Variants in GRM8 observed in about 807,000 individuals in gnomAD.
GRM8 encodes glutamate metabotropic receptor 8, also known as metabotropic glutamate receptor 8.
Under a neutral mutation model 87.2 loss-of-function variants are expected in GRM8, and 47 were observed. The ratio of observed to expected loss-of-function variants is 0.54; its 90% CI spans 0.43 to 0.69. The LOEUF is 0.69. Among genes scored for constraint, GRM8 ranks in the 30% least tolerant of loss-of-function variants. The pLI is 0.00. For missense variants in GRM8, 1,019 were observed against 1,139.2 expected (o/e 0.89, Z 1.52); for synonymous variants, 396 against 404.5 (o/e 0.98, Z 0.25).
chr7:126,762,193 C>T (rs2151578772), intron 7 of GRM8, among the ~76,000 whole-genome samples: 1 of 151,660 alleles, frequency 6.6e-6, no homozygotes, highest in South Asian at 2.1e-4. Context: ...GAAAGATAAA[C>T]ATGAACATAA....
chr7:126,699,565 C>CT (rs1385083200), intron 7 of GRM8, among the ~76,000 whole-genome samples: 1 of 152,052 alleles, frequency 6.6e-6, no homozygotes, highest in African/African-American at 2.4e-5. Context: ...TTTTTATCAC[C>CT]TTCCTCTTCT....
intron 8 of GRM8, among the ~76,000 whole-genome samples, chr7:126,538,638 TAATA>T (rs1816144968): frequency 6.6e-6 from 1 of 152,078 alleles, no homozygotes; most frequent in African/African-American, 2.4e-5. Flanking sequence ...TATTATTAAT[TAATA>T]ATTATTTTGT....
intron 7 of GRM8, among the ~76,000 whole-genome samples, chr7:126,653,003 A>G (rs1430165050): frequency 6.6e-6 from 1 of 152,046 alleles, no homozygotes; most frequent in South Asian, 2.1e-4. Context: ...TAAAATAGGG[A>G]TCTCCCTATT....
At chr7:126,722,734 CAAT>C (rs1382145632) in intron 7 of GRM8, among the ~76,000 whole-genome samples, 4 of 151,712 alleles carry the variant, frequency 2.6e-5, no homozygotes, top group South Asian at 2.1e-4. Context: ...TTACGTATCA[CAAT>C]AATAATTGTG....
chr7:126,782,448 G>A (rs1820183471), intron 6 of GRM8, among the ~76,000 whole-genome samples: 1 of 152,052 alleles, frequency 6.6e-6, no homozygotes, highest in Non-Finnish European at 1.5e-5. Context: ...AAGTTCTATT[G>A]AGGATAACTA....
At chr7:127,133,503 G>C (rs926946307) in intron 2 of GRM8, among the ~76,000 whole-genome samples, 1 of 151,408 alleles carries the variant, frequency 6.6e-6, no homozygotes, top group Non-Finnish European at 1.5e-5. Flanking sequence ...CGAGGAGATC[G>C]AGACCATCCT....
chr7:126,599,215 A>G (rs567523245), intron 8 of GRM8, among the ~76,000 whole-genome samples: 1 of 152,248 alleles, frequency 6.6e-6, no homozygotes, highest in South Asian at 2.1e-4. Flanking sequence ...TGGGTCACAT[A>G]CATGCACTCC....
At chr7:126,758,077 A>G (rs1021978514) in intron 7 of GRM8, among the ~76,000 whole-genome samples, 4 of 152,178 alleles carry the variant, frequency 2.6e-5, no homozygotes, top group South Asian at 2.1e-4. Context: ...TACTGATTAC[A>G]GGAGATTTAT....
rs368639893 is a variant in GRM8, at chr7:126,642,278, G to C, written c.1358-32780C>G. ...GCTCATCCCTGTGTCACTTTCACTG[G>C]AAGCACCACACATCATTAGACTTTA... is the stretch of plus-strand genomic sequence containing the variant. On this transcript the variant is annotated intron_variant, in intron 7 of 10. Transcript: ENST00000339582. 7.2e-5 allele frequency among the ~76,000 whole-genome samples: 11 copies of C among 152,230 alleles called. No homozygotes were observed. The East Asian group carries it at 1.7e-3, about 24-fold the overall frequency.
At chr7:126,692,899 T>C (rs996173972) in intron 7 of GRM8, among the ~76,000 whole-genome samples, 1 of 152,172 alleles carries the variant, frequency 6.6e-6, no homozygotes, top group African/African-American at 2.4e-5. Context: ...GATCAGAAAA[T>C]TAGTAGGTTA....
chr7:127,141,398 C>T (rs1460764860), intron 2 of GRM8, among the ~76,000 whole-genome samples: 2 of 152,154 alleles, frequency 1.3e-5, no homozygotes, highest in Admixed American at 1.3e-4. Flanking sequence ...TTACTCAAGA[C>T]TTAAGCCAGA....
In GRM8 at chr7:127,124,772, A is replaced by T. The variant is rs1413392854; in HGVS notation, c.511-18060T>A. On this transcript the variant is annotated intron_variant, in intron 2 of 10. Coordinates refer to ENST00000339582, the MANE Select transcript of GRM8 (RefSeq NM_000845.3). ...TGGCCAAAACGAAATAACTGGAACC[A>T]GATGTAGCCCCTACCCTTTAACAAA... Among the ~76,000 whole-genome samples, 21 of 152,162 alleles carry T rather than the reference A, an allele frequency of 1.4e-4. 1 individual carries two copies. The highest frequency in any genetic ancestry group is 1.4e-3 in the Admixed American group (21 of 15,266).
At chr7:126,500,681 G>A (rs193057827) in intron 9 of GRM8, among the ~76,000 whole-genome samples, 5 of 152,068 alleles carry the variant, frequency 3.3e-5, no homozygotes, top group South Asian at 4.2e-4. Flanking sequence ...TACTCAGCAC[G>A]GTGTTTGGCA....
intron 9 of GRM8, chr7:126,511,111 A>G (rs2150744349): frequency 6.6e-6 from 1 of 152,220 alleles, no homozygotes; most frequent in East Asian, 1.9e-4. Flanking sequence ...AGATATCTAT[A>G]AGCAGGTAGT....
intron 7 of GRM8, among the ~76,000 whole-genome samples, chr7:126,768,045 C>A (rs1222006308): frequency 6.6e-6 from 1 of 152,004 alleles, no homozygotes; most frequent in African/African-American, 2.4e-5. Context: ...TAAGACCTCA[C>A]ATGGTATTCA....
intron 8 of GRM8, among the ~76,000 whole-genome samples, chr7:126,585,749 C>A (rs1796050788): frequency 6.6e-6 from 1 of 152,176 alleles, no homozygotes; most frequent in Admixed American, 6.5e-5. Context: ...AAACTGGAAG[C>A]ATTCCCTTTG....
At chr7:126,509,477 T>G (rs974096372) in intron 9 of GRM8, among the ~76,000 whole-genome samples, 1 of 152,030 alleles carries the variant, frequency 6.6e-6, no homozygotes, top group Non-Finnish European at 1.5e-5. Context: ...AATTACAAAT[T>G]GAGCACATTA....
intron 2 of GRM8, among the ~76,000 whole-genome samples, chr7:127,133,062 G>T (rs1827771544): frequency 6.6e-6 from 1 of 152,228 alleles, no homozygotes; most frequent in Non-Finnish European, 1.5e-5. Flanking sequence ...AAAGTTCAAA[G>T]CCAGTAGTGC....
At chr7:126,673,335 A>G (rs1806590394) in intron 7 of GRM8, among the ~76,000 whole-genome samples, 1 of 152,156 alleles carries the variant, frequency 6.6e-6, no homozygotes, top group Non-Finnish European at 1.5e-5. Flanking sequence ...AAGTCCTACA[A>G]CACTACTTGG....
Sources: gnomAD v4.1 joint callset for allele counts (sites outside exome capture counted in the v4.1 genomes callset) on GRCh38, gnomAD v4.1.1 for gene constraint, MANE v1.5 for transcripts, NCBI Gene and HGNC (gene_info 2026-07-23, HGNC 2026-07-21) for gene names.